Variants in IL1R1 observed in about 807,000 individuals in gnomAD.
The protein encoded by IL1R1 is interleukin-1 receptor type 1.
A neutral mutation model predicts 50.2 loss-of-function variants in IL1R1; 22 were observed. The observed-to-expected ratio is 0.44, with a 90% CI of 0.31 to 0.63. The LOEUF is 0.63. Among genes scored for constraint, IL1R1 ranks in the 20% least tolerant of loss-of-function variants. The pLI, the probability that IL1R1 is intolerant of heterozygous loss-of-function variation, is 0.07. For synonymous variants in IL1R1, 251 were observed against 236.7 expected (o/e 1.06, Z -0.55); for missense variants, 509 against 676.2 (o/e 0.75, Z 2.74).
In IL1R1 at chr2:102,128,040, C is replaced by G. The variant is rs188006884; in HGVS notation, c.-84+23168C>G. ...TTCACATATTGAATGAGTTTGCTCTCCTATCACACAGAGATCAAGTTATCT... is the reference window on the plus strand; with the variant it reads ...TTCACATATTGAATGAGTTTGCTCTGCTATCACACAGAGATCAAGTTATCT... On this transcript the variant is annotated intron_variant, in intron 1 of 10. Coordinates refer to the IL1R1 transcript ENST00000409329. Among the ~76,000 whole-genome samples, 20 of 152,234 alleles carry G rather than the reference C, an allele frequency of 1.3e-4. 1 individual carries two copies. The East Asian group carries it at 3.5e-3, about 26-fold the overall frequency.
chr2:102,150,596 A>C (rs1181669204), intron 1 of IL1R1, among the ~76,000 whole-genome samples: 1 of 152,242 alleles, frequency 6.6e-6, no homozygotes, highest in Non-Finnish European at 1.5e-5. Context: ...CATGATCACC[A>C]AACAGCGATG....
At chr2:102,131,334 G>T (rs1487666139) in intron 1 of IL1R1, among the ~76,000 whole-genome samples, 1 of 152,094 alleles carries the variant, frequency 6.6e-6, no homozygotes, top group African/African-American at 2.4e-5. Context: ...ACAATGTTTG[G>T]CATTCAACCA....
intron 1 of IL1R1, among the ~76,000 whole-genome samples, chr2:102,078,422 A>G (rs928798047): frequency 6.6e-6 from 1 of 152,106 alleles, no homozygotes; most frequent in African/African-American, 2.4e-5. Context: ...CTACGAAAAA[A>G]TTATATGCCA....
chr2:102,113,538 C>T (rs1266618152), intron 1 of IL1R1, among the ~76,000 whole-genome samples: 1 of 152,208 alleles, frequency 6.6e-6, no homozygotes, highest in Non-Finnish European at 1.5e-5. Flanking sequence ...TGTGGCTTCC[C>T]TCATTCTATT....
At chr2:102,076,489 G>A (rs1046653263) in intron 1 of IL1R1, among the ~76,000 whole-genome samples, 4 of 152,102 alleles carry the variant, frequency 2.6e-5, no homozygotes. Flanking sequence ...ATTTCTTATA[G>A]TGCAGGTCTG....
At chr2:102,173,772 A>G (rs902380267) in intron 9 of IL1R1, among the ~76,000 whole-genome samples, 2 of 152,170 alleles carry the variant, frequency 1.3e-5, no homozygotes, top group African/African-American at 4.8e-5. Context: ...GGACACCTGT[A>G]AAAGTCATAG....
At chr2:102,125,095 G>T (rs943839956) in intron 1 of IL1R1, among the ~76,000 whole-genome samples, 1 of 152,110 alleles carries the variant, frequency 6.6e-6, no homozygotes, top group Non-Finnish European at 1.5e-5. Flanking sequence ...CACCCTTGCG[G>T]CTTGCCAGGC....
rs923318536 is a variant in IL1R1, at chr2:102,179,804, T to C, written c.*3045T>C. The C allele has an allele frequency of 6.5e-6, 1 of 152,804 alleles. No individual in the cohort carries two copies. Among genetic ancestry groups the C allele is most frequent in the South Asian group, 2.1e-4 (1 of 4,838 alleles). 9.5% of individuals were successfully genotyped at this position (152,804 alleles called of 1,614,324 possible). A position where few individuals can be genotyped will look rare whatever the true frequency, so the allele number is the denominator to read the frequency against. On this transcript the variant is annotated 3_prime_UTR_variant, in exon 12 of 12. Transcript: ENST00000410023. ...TTTGTATATTAAAGCACCAAATTCATGTACAGCATGCATCACGGATCAATA... is the reference window on the plus strand; with the variant it reads ...TTTGTATATTAAAGCACCAAATTCACGTACAGCATGCATCACGGATCAATA...
intron 1 of IL1R1, among the ~76,000 whole-genome samples, chr2:102,146,810 A>G (rs577036454): frequency 3.9e-5 from 6 of 152,270 alleles, no homozygotes; most frequent in South Asian, 4.1e-4. Flanking sequence ...TTCTGAGCAG[A>G]ACTGCCTGTG....
intron 11 of IL1R1, 71 bp downstream of exon 11, chr2:102,175,716 T>G (rs769254131): frequency 7.0e-7 from 1 of 1,437,814 alleles, no homozygotes; most frequent in Non-Finnish European, 9.8e-7. Flanking sequence ...GATTCCATCT[T>G]TCTAGAAGAT....
rs56247684 is a variant in IL1R1 at position 102,157,587 on chromosome 2, A to G, written c.-6-132A>G. On this transcript the variant is annotated intron_variant, in intron 2 of 11. Transcript: ENST00000410023. ...AATATGACAACATTCATGATGTAGA[A>G]AAACCAGTTCATCAGTGTGACTTGT... 2.2e-3 allele frequency: 1,458 copies of G among 671,918 alleles called. 2 individuals are homozygous for G. Among genetic ancestry groups the G allele is most frequent in the Non-Finnish European group, 3.2e-3 (1,214 of 375,882 alleles). The allele number at this position is 671,918 out of a possible 1,614,324, so 41.6% of individuals were successfully genotyped here.
At chr2:102,080,675 C>T (rs1431946849) in intron 1 of IL1R1, among the ~76,000 whole-genome samples, 2 of 152,182 alleles carry the variant, frequency 1.3e-5, no homozygotes, top group South Asian at 2.1e-4. Flanking sequence ...AAATGTTCAA[C>T]ATAGAGTTGC....
At chr2:102,167,442 G>GTTTTTT (rs3047461) in intron 6 of IL1R1, among the ~76,000 whole-genome samples, 3 of 68,940 alleles carry the variant, frequency 4.4e-5, no homozygotes, top group Admixed American at 1.9e-4. Context: ...TAGGTTAAGT[G>GTTTTTT]TTTTTTTTTT....
chr2:102,148,296 T>C (rs1243631149), intron 1 of IL1R1, among the ~76,000 whole-genome samples: 1 of 152,200 alleles, frequency 6.6e-6, no homozygotes, highest in Non-Finnish European at 1.5e-5. Context: ...GTGGGCTCTG[T>C]GATCATTAGG....
chr2:102,072,816 G>A (rs1678790476), intron 1 of IL1R1, among the ~76,000 whole-genome samples: 1 of 151,900 alleles, frequency 6.6e-6, no homozygotes, highest in African/African-American at 2.4e-5. Context: ...CTTTTTTGTA[G>A]GTGAAACTAT....
intron 1 of IL1R1, among the ~76,000 whole-genome samples, chr2:102,082,725 C>T (rs906643111): frequency 6.6e-6 from 1 of 152,132 alleles, no homozygotes; most frequent in African/African-American, 2.4e-5. Context: ...AGCGAGCATG[C>T]CATCAGCAGG....
intron 1 of IL1R1, among the ~76,000 whole-genome samples, chr2:102,134,048 G>T (rs1415604023): frequency 2.0e-5 from 3 of 152,176 alleles, no homozygotes; most frequent in Admixed American, 2.0e-4. Flanking sequence ...AGTTTTGGAG[G>T]TTATAAGATC....
At chr2:102,134,427 G>C (rs1022735291) in intron 1 of IL1R1, among the ~76,000 whole-genome samples, 2 of 151,404 alleles carry the variant, frequency 1.3e-5, no homozygotes, top group Non-Finnish European at 2.9e-5. Context: ...GACCAGGCTG[G>C]AGCGCAATGG....
intron 1 of IL1R1, among the ~76,000 whole-genome samples, chr2:102,126,697 C>G (rs537205824): frequency 6.6e-6 from 1 of 151,740 alleles, no homozygotes; most frequent in South Asian, 2.1e-4. Flanking sequence ...GCACACCCAA[C>G]CAAAAATACT....
Sources: allele counts gnomAD v4.1 joint callset (sites outside exome capture counted in the v4.1 genomes callset), GRCh38; gene constraint gnomAD v4.1.1; transcripts MANE v1.5; gene names NCBI Gene and HGNC (gene_info 2026-07-23, HGNC 2026-07-21).